The following PRKCH variants were observed in gnomAD, a reference collection of about 807,000 sequenced individuals.
PRKCH encodes the protein protein kinase C eta type.
A neutral mutation model predicts 82.5 loss-of-function variants in PRKCH; 28 were observed. That is an observed-to-expected ratio of 0.34 (90% confidence interval 0.25 to 0.47). The LOEUF is 0.47. PRKCH is among the 20% of genes least tolerant of loss of function. PRKCH has a pLI of 1.00. For missense variants in PRKCH, 705 were observed against 881.8 expected, an observed-to-expected ratio of 0.80 and a Z score of 2.54; for synonymous variants, 322 against 327.4, an observed-to-expected ratio of 0.98 and a Z score of 0.18.
Position 61,280,921 on chromosome 14 carries a change from C to T in PRKCH, c.-19+93253C>T. On this transcript the variant is annotated intron_variant, in intron 1 of 3. Transcript: ENST00000555185. The surrounding 1 kb of genome is among the most constrained non-coding windows in gnomAD (Gnocchi z 5.0). ...CTGGCCAGCCGCGGCGCACACCGAG[C>T]AGTTACCGGTGCCCGGGTCGCCTGT... The T allele has an allele frequency of 6.5e-7, 1 of 1,544,358 alleles. No homozygotes were observed. The highest frequency in any genetic ancestry group is 8.7e-7 in the Non-Finnish European group (1 of 1,149,530).
chr14:61,280,354 A>T lies in PRKCH; in HGVS notation c.-19+92686A>T. 1 of 1,613,962 alleles carries T rather than the reference A, an allele frequency of 6.2e-7. No homozygotes were observed. The highest frequency in any genetic ancestry group is 8.5e-7 in the Non-Finnish European group (1 of 1,179,928). On this transcript the variant is annotated intron_variant, in intron 1 of 3. Coordinates refer to the PRKCH transcript ENST00000555185. The surrounding 1 kb of genome is among the most constrained non-coding windows in gnomAD (Gnocchi z 5.0). ...GTTGCCCTGGCGGATGCGCGCGTACAGTTTGCGGAACGTGGGCAGCGCCGC... is the reference window on the plus strand; with the variant it reads ...GTTGCCCTGGCGGATGCGCGCGTACTGTTTGCGGAACGTGGGCAGCGCCGC...
intron 1 of PRKCH, among the ~76,000 whole-genome samples, chr14:61,217,096 G>T (rs1242221683): frequency 6.6e-6 from 1 of 152,146 alleles, no homozygotes; most frequent in Non-Finnish European, 1.5e-5. Context: ...TTAAAAGAGA[G>T]AGCGAGAGAC....
chr14:61,218,811 C>T (rs1205306803), intron 1 of PRKCH, among the ~76,000 whole-genome samples: 2 of 152,158 alleles, frequency 1.3e-5, no homozygotes, highest in Admixed American at 6.5e-5. Flanking sequence ...TGCTCTGTCC[C>T]TCTTCACCCC....
intron 1 of PRKCH, chr14:61,278,582 T>C (rs938739360): frequency 1.3e-5 from 2 of 152,156 alleles, no homozygotes; most frequent in African/African-American, 4.8e-5. Context: ...AAGTTAGTAA[T>C]TGGAAAATAG....
At chr14:61,191,180 A>G (rs537105059) in intron 1 of PRKCH, among the ~76,000 whole-genome samples, 1 of 152,340 alleles carries the variant, frequency 6.6e-6, no homozygotes, top group African/African-American at 2.4e-5. Flanking sequence ...AAGAAGGTGG[A>G]AAAATTTTCT....
At chr14:61,316,352 CAG>C (rs1853217773) in intron 1 of PRKCH, among the ~76,000 whole-genome samples, 1 of 152,100 alleles carries the variant, frequency 6.6e-6, no homozygotes, top group South Asian at 2.1e-4. Flanking sequence ...AGAAAAATGA[CAG>C]TGATTCAATC....
At chr14:61,378,387 T>A (rs776086602) in intron 1 of PRKCH, among the ~76,000 whole-genome samples, 1 of 151,970 alleles carries the variant, frequency 6.6e-6, no homozygotes, top group Non-Finnish European at 1.5e-5. Context: ...TAATTTTTTT[T>A]ATAGAGATGG....
chr14:61,408,032 C>G (rs1306164529), intron 2 of PRKCH, among the ~76,000 whole-genome samples: 1 of 152,242 alleles, frequency 6.6e-6, no homozygotes, highest in Non-Finnish European at 1.5e-5. Context: ...AATCCTGAAT[C>G]TGAGCATTTG....
At chr14:61,338,783 A>G (rs1020291518) in intron 1 of PRKCH, among the ~76,000 whole-genome samples, 3 of 152,048 alleles carry the variant, frequency 2.0e-5, no homozygotes, top group Non-Finnish European at 4.4e-5. Context: ...TAGAACTCCA[A>G]TATGCATTTT....
At chr14:61,265,418 C>G (rs2045090286) in intron 1 of PRKCH, among the ~76,000 whole-genome samples, 1 of 152,162 alleles carries the variant, frequency 6.6e-6, no homozygotes, top group Non-Finnish European at 1.5e-5. Context: ...GATGCGGAAG[C>G]TGCAGTGAGC....
chr14:61,399,512 A>G (rs1022258416), intron 2 of PRKCH, among the ~76,000 whole-genome samples: 1 of 152,216 alleles, frequency 6.6e-6, no homozygotes, highest in Non-Finnish European at 1.5e-5. Context: ...TTAAATTGCT[A>G]AATAAATAAT....
At chr14:61,392,106 A>G (rs762411856) in intron 2 of PRKCH, among the ~76,000 whole-genome samples, 1 of 151,388 alleles carries the variant, frequency 6.6e-6, no homozygotes, top group Non-Finnish European at 1.5e-5. Flanking sequence ...TTTATTTCTG[A>G]GTAGTAGTAT....
At chr14:61,321,549 G>A (rs1300336260), upstream of PRKCH, among the ~76,000 whole-genome samples, 1 of 152,172 alleles carries the variant, frequency 6.6e-6, no homozygotes, top group African/African-American at 2.4e-5. This position sits in a 1 kb window ranked among gnomAD's most constrained non-coding sequence, Gnocchi z 4.1. Context: ...CCTGGGGTCC[G>A]GAAGGCGCGG....
upstream of PRKCH, among the ~76,000 whole-genome samples, chr14:61,316,588 A>G (rs2045563355): frequency 6.6e-6 from 1 of 152,144 alleles, no homozygotes; most frequent in South Asian, 2.1e-4. Flanking sequence ...TGTGTAGAGA[A>G]AGGGAACCCC....
At chr14:61,240,126 C>G (rs2185446) in intron 1 of PRKCH, among the ~76,000 whole-genome samples, 58,036 of 151,630 alleles carry the variant, frequency 0.38, 11,305 homozygotes, top group Admixed American at 0.44. Context: ...GTAGAAACAC[C>G]GTGGGTCCTT....
At chr14:61,504,231 C>G (rs1887041003) in intron 10 of PRKCH, among the ~76,000 whole-genome samples, 1 of 151,942 alleles carries the variant, frequency 6.6e-6, no homozygotes, top group Non-Finnish European at 1.5e-5. Flanking sequence ...CTCTGTTGCC[C>G]AGACTGGAGT....
chr14:61,407,479 T>A (rs553646949), intron 2 of PRKCH, among the ~76,000 whole-genome samples: 5 of 152,284 alleles, frequency 3.3e-5, no homozygotes, highest in Non-Finnish European at 5.9e-5. Flanking sequence ...CTGTATTGAT[T>A]TCCTTAAACA....
At chr14:61,241,891 C>T (rs899511779) in intron 1 of PRKCH, among the ~76,000 whole-genome samples, 8 of 152,182 alleles carry the variant, frequency 5.3e-5, no homozygotes, top group Admixed American at 3.3e-4. Flanking sequence ...TGGGATAAAC[C>T]GTGTTAGGCA....
chr14:61,472,224 A>G (rs1885538279), intron 9 of PRKCH, among the ~76,000 whole-genome samples: 1 of 152,264 alleles, frequency 6.6e-6, no homozygotes, highest in African/African-American at 2.4e-5. Flanking sequence ...GCAAAAGATT[A>G]GCTGACTGAG....
Sources: gnomAD v4.1 joint callset for allele counts (sites outside exome capture counted in the v4.1 genomes callset) on GRCh38, gnomAD v4.1.1 for gene constraint, Gnocchi (gnomAD v3.1) non-coding constraint, MANE v1.5 for transcripts, NCBI Gene and HGNC (gene_info 2026-07-23, HGNC 2026-07-21) for gene names.